The following SRRM4 variants were observed in gnomAD, a reference collection of about 807,000 sequenced individuals.
SRRM4 encodes the protein serine/arginine repetitive matrix protein 4.
A neutral mutation model predicts 68.9 loss-of-function variants in SRRM4; 33 were observed. That is an observed-to-expected ratio of 0.48 (90% CI 0.36 to 0.64). The LOEUF is 0.64. Among genes scored for constraint, SRRM4 ranks in the 30% least tolerant of loss-of-function variants. The probability of loss-of-function intolerance (pLI) is 0.00; values close to 1 mark genes in which losing one functional copy is unlikely to be tolerated. For synonymous variants in SRRM4, 318 were observed against 318.8 expected, an observed-to-expected ratio of 1.00 and a Z score of 0.03; for missense variants, 817 against 827.1, an observed-to-expected ratio of 0.99 and a Z score of 0.15.
chr12:119,133,265 C>A (rs1592911467), intron 8 of SRRM4: 2 of 152,278 alleles, frequency 1.3e-5, no homozygotes, highest in Non-Finnish European at 1.5e-5. Context: ...ATGCTTACTG[C>A]TTGTGATAGT....
chr12:119,034,955 T>C (rs1266537689), intron 1 of SRRM4, among the ~76,000 whole-genome samples: 1 of 152,238 alleles, frequency 6.6e-6, no homozygotes, highest in Non-Finnish European at 1.5e-5. Context: ...ATTACGGTCA[T>C]AACCAATATA....
intron 1 of SRRM4, among the ~76,000 whole-genome samples, chr12:119,052,292 G>A (rs527324142): frequency 1.3e-5 from 2 of 152,154 alleles, no homozygotes; most frequent in South Asian, 4.1e-4. Context: ...GAGAGGGACA[G>A]GTAGTGAGTT....
intron 1 of SRRM4, among the ~76,000 whole-genome samples, chr12:119,041,138 T>C (rs1485926328): frequency 6.6e-6 from 1 of 152,140 alleles, no homozygotes; most frequent in African/African-American, 2.4e-5. Context: ...AATAATTCTG[T>C]GAAAGGTACT....
intron 1 of SRRM4, among the ~76,000 whole-genome samples, chr12:119,066,171 T>C (rs1049966735): frequency 2.0e-5 from 3 of 152,222 alleles, no homozygotes; most frequent in African/African-American, 7.2e-5. Flanking sequence ...GGCCAAGTGC[T>C]GGTTTAAGCT....
At chr12:118,994,274 A>T (rs1454571141) in intron 1 of SRRM4, 1 of 152,196 alleles carries the variant, frequency 6.6e-6, no homozygotes, top group Admixed American at 6.5e-5. Flanking sequence ...TTTATGTCCT[A>T]TTAACAAGCC....
chr12:119,050,498 G>T (rs1953735782), intron 1 of SRRM4, among the ~76,000 whole-genome samples: 1 of 152,230 alleles, frequency 6.6e-6, no homozygotes. Flanking sequence ...GGTAATACGT[G>T]TGCTTTTAGA....
chr12:119,094,629 A>G (rs751118872), intron 1 of SRRM4, among the ~76,000 whole-genome samples: 15 of 151,826 alleles, frequency 9.9e-5, no homozygotes, highest in Admixed American at 3.9e-4. Context: ...TTTTTGTTCC[A>G]CTTTCCTGAC....
intron 1 of SRRM4, among the ~76,000 whole-genome samples, chr12:119,030,297 G>T (rs555812821): frequency 6.6e-6 from 1 of 152,140 alleles, no homozygotes; most frequent in Non-Finnish European, 1.5e-5. Flanking sequence ...ACAGATTTCC[G>T]TAAGGCAAAG....
chr12:119,085,787 T>C (rs2136034036), intron 1 of SRRM4, among the ~76,000 whole-genome samples: 1 of 152,190 alleles, frequency 6.6e-6, no homozygotes, highest in African/African-American at 2.4e-5. Flanking sequence ...GGTGGTGGCT[T>C]GGACCAGGAG....
rs974617955 is a variant in SRRM4 at position 119,160,990 on chromosome 12, A to G, written c.*4192A>G. 6.6e-6 allele frequency: 1 copy of G among 152,194 alleles called. No individual in the cohort carries two copies. The highest frequency in any genetic ancestry group is 1.5e-5 in the Non-Finnish European group (1 of 68,036). The allele number at this position is 152,194 out of a possible 1,614,324, so 9.4% of individuals were successfully genotyped here. ...CTTTCAGAAGCAGAATAAAATTAAGATGTTAGAACAAAGGTCTCAGTCTCA... is the reference window on the plus strand; with the variant it reads ...CTTTCAGAAGCAGAATAAAATTAAGGTGTTAGAACAAAGGTCTCAGTCTCA... On this transcript the variant is annotated 3_prime_UTR_variant, in exon 13 of 13. Coordinates refer to ENST00000267260, the MANE Select transcript of SRRM4 (RefSeq NM_194286.4).
chr12:119,042,967 G>T (rs1457464267), intron 1 of SRRM4, among the ~76,000 whole-genome samples: 1 of 152,160 alleles, frequency 6.6e-6, no homozygotes, highest in Non-Finnish European at 1.5e-5. Flanking sequence ...TTCCACCATT[G>T]TGGGAGACAG....
chr12:118,982,669 G>GTTTTTTTTTTTTTTTT (rs10533651), intron 1 of SRRM4, among the ~76,000 whole-genome samples: 2 of 115,710 alleles, frequency 1.7e-5, no homozygotes, highest in Non-Finnish European at 3.5e-5. Context: ...GTTTTATTTT[G>GTTTTTTTTTTTTTTTT]TTTTTTTTTG....
Position 119,154,338 on chromosome 12 carries a change from G to T in SRRM4, c.1487G>T (p.Arg496Leu), listed in dbSNP as rs1363535954. Residue 496 changes from arginine to leucine, a missense_variant, in exon 12 of 13, where the codon CGC (arginine) becomes CTC (leucine). Arg to Leu is a moderately radical substitution (Grantham distance 102). Coordinates refer to ENST00000267260, the MANE Select transcript of SRRM4 (RefSeq NM_194286.4). This position sits in a 1 kb window ranked among gnomAD's most constrained non-coding sequence, Gnocchi z 4.7. The stretch of plus-strand genomic sequence containing the variant: ...CGGTCCTACTCGCCTATGAGAAAGC[G>T]CCGGAGAGACTCCCCGAGCCACCTG... ...RRRSYSPMRKRRRDSPSHLEA... is the reference protein window; with the variant it reads ...RRRSYSPMRKLRRDSPSHLEA... 3 of 1,613,264 alleles carry T rather than the reference G, an allele frequency of 1.9e-6. No individual in the cohort carries two copies. Among genetic ancestry groups the T allele is most frequent in the African/African-American group, 2.7e-5 (2 of 75,060 alleles).
At chr12:119,115,761 T>C (rs1954175565) in intron 3 of SRRM4, among the ~76,000 whole-genome samples, 1 of 152,218 alleles carries the variant, frequency 6.6e-6, no homozygotes, top group Non-Finnish European at 1.5e-5. Flanking sequence ...GTTCATCCAG[T>C]GAATATTCAC....
chr12:119,018,073 G>A (rs1436876208), intron 1 of SRRM4, among the ~76,000 whole-genome samples: 1 of 152,094 alleles, frequency 6.6e-6, no homozygotes, highest in Non-Finnish European at 1.5e-5. Context: ...AAGCAAAAGG[G>A]GCTCACTGCC....
intron 1 of SRRM4, among the ~76,000 whole-genome samples, chr12:119,095,491 A>G (rs895400029): frequency 6.6e-6 from 1 of 152,152 alleles, no homozygotes; most frequent in African/African-American, 2.4e-5. Context: ...TATGCAAGGG[A>G]AGGAGGTTCA....
At chr12:119,056,198 T>C (rs949248486) in intron 1 of SRRM4, among the ~76,000 whole-genome samples, 2 of 152,210 alleles carry the variant, frequency 1.3e-5, no homozygotes, top group South Asian at 2.1e-4. Flanking sequence ...CCTTTGATAA[T>C]AGCTCAGCTT....
At chr12:119,041,916 C>A (rs1953671230) in intron 1 of SRRM4, among the ~76,000 whole-genome samples, 1 of 152,160 alleles carries the variant, frequency 6.6e-6, no homozygotes, top group African/African-American at 2.4e-5. Flanking sequence ...TTGGTCCTAC[C>A]AGGGGCCTTG....
In SRRM4 at chr12:119,012,376, G is replaced by A. The variant is rs146551194; in HGVS notation, c.131+30363G>A. Reference sequence around the variant, plus strand: ...TCAAGGTTGCCATGATATATCTCCCGAGAGGATATCCCCTGACTTAGCAAC... The same window carrying A: ...TCAAGGTTGCCATGATATATCTCCCAAGAGGATATCCCCTGACTTAGCAAC... On this transcript the variant is annotated intron_variant, in intron 1 of 12. Transcript: ENST00000267260. Among the ~76,000 whole-genome samples, 925 of 152,296 alleles carry A rather than the reference G, an allele frequency of 6.1e-3. 3 individuals carry two copies. Among genetic ancestry groups the A allele is most frequent in the African/African-American group, 0.019 (800 of 41,546 alleles).
Sources: gnomAD v4.1 joint callset for allele counts (sites outside exome capture counted in the v4.1 genomes callset) on GRCh38, gnomAD v4.1.1 for gene constraint, Gnocchi (gnomAD v3.1) non-coding constraint, MANE v1.5 for transcripts, NCBI Gene and HGNC (gene_info 2026-07-23, HGNC 2026-07-21) for gene names.